The following ERC1 variants were observed in gnomAD, a reference collection of about 807,000 sequenced individuals.
ERC1 encodes the protein RAB6 interacting protein 2.
In ERC1, 56 loss-of-function variants were observed where a neutral mutation model predicts 132.0. The ratio of observed to expected loss-of-function variants is 0.42; its 90% confidence interval spans 0.34 to 0.53. ERC1 has a LOEUF of 0.53. Among genes scored for constraint, ERC1 ranks in the 20% least tolerant of loss-of-function variants. The pLI, the probability that ERC1 is intolerant of heterozygous loss-of-function variation, is 0.03. For missense variants in ERC1, 1,202 were observed against 1,349.9 expected (o/e 0.89, Z 1.72); for synonymous variants, 478 against 476.1 (o/e 1.00, Z -0.05).
intron 17 of ERC1, among the ~76,000 whole-genome samples, chr12:1,427,746 A>G (rs2092683052): frequency 6.6e-6 from 1 of 152,188 alleles, no homozygotes; most frequent in African/African-American, 2.4e-5. Flanking sequence ...CAATCATAAA[A>G]CCTATGCCAA....
intron 2 of ERC1, among the ~76,000 whole-genome samples, chr12:1,029,346 A>G (rs1967547828): frequency 6.6e-6 from 1 of 152,170 alleles, no homozygotes; most frequent in Admixed American, 6.5e-5. Context: ...CTCTGTCTCA[A>G]AAAAGAAAAA....
chr12:1,386,716 C>T (rs1591685340), intron 16 of ERC1: 1 of 149,724 alleles, frequency 6.7e-6, no homozygotes, highest in African/African-American at 2.5e-5. Flanking sequence ...ATTTTACACA[C>T]TTATGTAACC....
At chr12:1,135,997 A>C (rs1949211166) in intron 7 of ERC1, among the ~76,000 whole-genome samples, 2 of 152,244 alleles carry the variant, frequency 1.3e-5, no homozygotes. Flanking sequence ...GAGACTGTTA[A>C]GATATAATGT....
At chr12:1,260,498 A>G (rs1413988189) in intron 13 of ERC1, among the ~76,000 whole-genome samples, 1 of 152,154 alleles carries the variant, frequency 6.6e-6, no homozygotes, top group African/African-American at 2.4e-5. Context: ...TGCTGTTGAT[A>G]CTCTGGTATT....
At chr12:1,218,684 C>T (rs943184672) in intron 12 of ERC1, among the ~76,000 whole-genome samples, 10 of 152,018 alleles carry the variant, frequency 6.6e-5, no homozygotes, top group African/African-American at 2.2e-4. Context: ...CCTTGAAACA[C>T]TGTTTTCTTC....
chr12:1,484,540 T>C (rs1005413963), intron 18 of ERC1, among the ~76,000 whole-genome samples: 3 of 151,986 alleles, frequency 2.0e-5, no homozygotes, highest in Non-Finnish European at 4.4e-5. Context: ...AACTCTGTAG[T>C]TTATATTTCT....
intron 16 of ERC1, among the ~76,000 whole-genome samples, chr12:1,401,625 T>C (rs987423630): frequency 6.6e-6 from 1 of 152,058 alleles, no homozygotes; most frequent in East Asian, 1.9e-4. Flanking sequence ...GACATGCAAA[T>C]TGTACCAACT....
intron 14 of ERC1, among the ~76,000 whole-genome samples, chr12:1,268,319 A>T (rs2077601537): frequency 6.6e-6 from 1 of 152,194 alleles, no homozygotes; most frequent in Admixed American, 6.5e-5. Flanking sequence ...ATAAAATTAT[A>T]CTTTCACTTG....
intron 15 of ERC1, among the ~76,000 whole-genome samples, chr12:1,343,671 C>G (rs1471296716): frequency 1.3e-5 from 2 of 152,240 alleles, no homozygotes; most frequent in South Asian, 4.2e-4. Flanking sequence ...TGTCTCACTT[C>G]TCACCCAAGT....
intron 15 of ERC1, among the ~76,000 whole-genome samples, chr12:1,305,763 T>G (rs1302950213): frequency 1.3e-5 from 2 of 152,214 alleles, no homozygotes; most frequent in Non-Finnish European, 1.5e-5. Flanking sequence ...TCTCCTAATT[T>G]TTGTCAACTG....
At chr12:1,196,416 T>C (rs941246723) in intron 12 of ERC1, among the ~76,000 whole-genome samples, 2 of 152,128 alleles carry the variant, frequency 1.3e-5, no homozygotes, top group East Asian at 1.9e-4. Flanking sequence ...TGTTTAGTTA[T>C]ATTTGTTCAT....
At chr12:1,020,349 T>C (rs938778784) in intron 1 of ERC1, among the ~76,000 whole-genome samples, 2 of 152,060 alleles carry the variant, frequency 1.3e-5, no homozygotes, top group East Asian at 1.9e-4. Context: ...CCCAGCTACT[T>C]GGGAGGCTGA....
intron 7 of ERC1, among the ~76,000 whole-genome samples, chr12:1,121,937 ATCTATC>A (rs1555255042): frequency 2.9e-3 from 3 of 1,032 alleles, no homozygotes; most frequent in African/African-American, 3.3e-3. Context: ...CTGTGTCTCT[ATCTATC>A]TCTATCTCTA....
chr12:1,265,380 G>T, intron 14 of ERC1, among the ~76,000 whole-genome samples: 1 of 152,168 alleles, frequency 6.6e-6, no homozygotes, highest in East Asian at 1.9e-4. Flanking sequence ...TGTGTGAACT[G>T]ATTATAATAT....
At chr12:1,329,221 G>T (rs948250838) in intron 15 of ERC1, among the ~76,000 whole-genome samples, 1 of 145,188 alleles carries the variant, frequency 6.9e-6, no homozygotes, top group Admixed American at 6.9e-5. Flanking sequence ...TTGAACCCCA[G>T]AGGCGGAGGT....
At position 1,252,268 on chromosome 12, in the gene ERC1, G is replaced by A. The variant is rs138197173; in HGVS notation, c.2488-10766G>A. ...GAGAACAGAAGCAGGTATGCAAATAGTCCATTTTCTAAGACCTCAGAAGCA... is the reference window on the plus strand; with the variant it reads ...GAGAACAGAAGCAGGTATGCAAATAATCCATTTTCTAAGACCTCAGAAGCA... On this transcript the variant is annotated intron_variant, in intron 13 of 18. Transcript: ENST00000360905. Among the ~76,000 whole-genome samples the A allele has an allele frequency of 2.8e-3, 424 of 152,286 alleles. 1 individual carries two copies. Among genetic ancestry groups the A allele is most frequent in the African/African-American group, 9.3e-3 (388 of 41,580 alleles).
Position 1,028,237 on chromosome 12 carries a change from A to G in ERC1, c.334A>G (p.Asn112Asp), listed in dbSNP as rs770431604. 6.2e-7 allele frequency: 1 copy of G among 1,614,130 alleles called. No homozygotes were observed. The highest frequency in any genetic ancestry group is 8.5e-7 in the Non-Finnish European group (1 of 1,180,010). ...VRMTAMGSSPNIASSGVASDT... is the reference protein window; with the variant it reads ...VRMTAMGSSPDIASSGVASDT... Reference sequence around the variant, plus strand: ...GATGACTGCTATGGGTAGTAGCCCCAATATAGCTAGCAGTGGGGTTGCTAG... The same window carrying G: ...GATGACTGCTATGGGTAGTAGCCCCGATATAGCTAGCAGTGGGGTTGCTAG... The change falls in exon 2 of 19, where the codon AAT (asparagine) becomes GAT (aspartate). Residue 112 changes from asparagine to aspartate, a missense_variant. Asn to Asp is a conservative substitution (Grantham distance 23). Coordinates refer to ENST00000360905, the MANE Select transcript of ERC1 (RefSeq NM_178040.4).
intron 2 of ERC1, among the ~76,000 whole-genome samples, chr12:1,058,657 A>G (rs1004936552): frequency 4.0e-5 from 6 of 151,676 alleles, no homozygotes; most frequent in Non-Finnish European, 5.9e-5. Context: ...TTTTTTGTTC[A>G]TTATTGCTTT....
chr12:1,399,470 C>A (rs1426090976), intron 16 of ERC1, among the ~76,000 whole-genome samples: 2 of 152,244 alleles, frequency 1.3e-5, no homozygotes, highest in Middle Eastern at 3.4e-3. Flanking sequence ...TCAGTGTCAT[C>A]GCTTTTTATA....
Sources: gnomAD v4.1 joint callset for allele counts (sites outside exome capture counted in the v4.1 genomes callset) on GRCh38, gnomAD v4.1.1 for gene constraint, MANE v1.5 for transcripts, NCBI Gene and HGNC (gene_info 2026-07-23, HGNC 2026-07-21) for gene names.